Variants in MAGI1 observed in about 807,000 individuals in gnomAD.
MAGI1 encodes membrane-associated guanylate kinase, WW and PDZ domain-containing protein 1.
Under a neutral mutation model 139.9 loss-of-function variants are expected in MAGI1, and 58 were observed. That is an observed-to-expected ratio of 0.41 (90% CI 0.34 to 0.52). MAGI1 has a LOEUF of 0.52. Ranked by LOEUF, MAGI1 falls within the 20% of genes least tolerant of loss-of-function variation. MAGI1 has a pLI of 0.12. For missense variants in MAGI1, 1,874 were observed against 1,901.6 expected (o/e 0.99, Z 0.27); for synonymous variants, 812 against 737.9 (o/e 1.10, Z -1.63).
chr3:65,904,489 G>A (rs2061359398), intron 1 of MAGI1, among the ~76,000 whole-genome samples: 1 of 152,048 alleles, frequency 6.6e-6, no homozygotes, highest in Non-Finnish European at 1.5e-5. Flanking sequence ...GGGCCCTGCG[G>A]CCCGGCCTCT....
At chr3:65,881,982 C>T (rs2060348221) in intron 1 of MAGI1, among the ~76,000 whole-genome samples, 2 of 152,220 alleles carry the variant, frequency 1.3e-5, no homozygotes. Context: ...GACAACACTT[C>T]CTATTCCCCA....
chr3:65,474,563 C>A (rs1223116905), intron 4 of MAGI1, among the ~76,000 whole-genome samples: 1 of 152,008 alleles, frequency 6.6e-6, no homozygotes, highest in African/African-American at 2.4e-5. Flanking sequence ...CAGAAACGAA[C>A]ATGAATGACA....
At chr3:65,506,946 G>C (rs1371812021) in intron 2 of MAGI1, among the ~76,000 whole-genome samples, 1 of 152,184 alleles carries the variant, frequency 6.6e-6, no homozygotes, top group Non-Finnish European at 1.5e-5. Flanking sequence ...AGGCATGATA[G>C]TTCTGAAGCC....
intron 2 of MAGI1, among the ~76,000 whole-genome samples, chr3:65,493,882 T>G (rs753012566): frequency 7.2e-5 from 11 of 152,126 alleles, no homozygotes; most frequent in Non-Finnish European, 1.6e-4. Context: ...CTGGGTAACC[T>G]AGAGAGAGTT....
chr3:65,900,804 T>A (rs922654701), intron 1 of MAGI1, among the ~76,000 whole-genome samples: 1 of 152,230 alleles, frequency 6.6e-6, no homozygotes, highest in Non-Finnish European at 1.5e-5. Flanking sequence ...TGACCTATTA[T>A]GAACCATTGA....
intron 1 of MAGI1, among the ~76,000 whole-genome samples, chr3:65,881,258 C>A (rs142723266): frequency 6.6e-6 from 1 of 152,244 alleles, no homozygotes; most frequent in Non-Finnish European, 1.5e-5. Flanking sequence ...ACACCCAATA[C>A]TCTTAGATAA....
chr3:65,462,736 C>A (rs1949894845), intron 5 of MAGI1, among the ~76,000 whole-genome samples: 2 of 152,302 alleles, frequency 1.3e-5, no homozygotes, highest in Non-Finnish European at 2.9e-5. Context: ...AATATTAATT[C>A]TTCCTATCCA....
intron 1 of MAGI1, among the ~76,000 whole-genome samples, chr3:65,958,383 T>C (rs1298652712): frequency 6.6e-6 from 1 of 152,204 alleles, no homozygotes; most frequent in African/African-American, 2.4e-5. Context: ...AATAAAGACC[T>C]GCTTATTGTA....
chr3:65,884,056 TC>T, intron 1 of MAGI1, among the ~76,000 whole-genome samples: 1 of 152,158 alleles, frequency 6.6e-6, no homozygotes, highest in South Asian at 2.1e-4. Flanking sequence ...AATACACTTA[TC>T]TTAAAGGGAA....
At chr3:65,773,197 T>G (rs1054398023) in intron 1 of MAGI1, among the ~76,000 whole-genome samples, 6 of 152,140 alleles carry the variant, frequency 3.9e-5, no homozygotes, top group Non-Finnish European at 8.8e-5. Flanking sequence ...GTAGGAGTAA[T>G]ATATTAAAAC....
chr3:65,475,422 C>G (rs1194240418), intron 4 of MAGI1, among the ~76,000 whole-genome samples: 1 of 152,068 alleles, frequency 6.6e-6, no homozygotes, highest in Non-Finnish European at 1.5e-5. Context: ...CCATGTTGGC[C>G]AGGCTGGTCT....
At chr3:65,933,926 G>C (rs1265610495) in intron 1 of MAGI1, among the ~76,000 whole-genome samples, 1 of 152,106 alleles carries the variant, frequency 6.6e-6, no homozygotes, top group Non-Finnish European at 1.5e-5. Context: ...AGGAGTTCGA[G>C]ACCAGCCTGA....
intron 1 of MAGI1, among the ~76,000 whole-genome samples, chr3:65,706,616 G>A (rs997705406): frequency 2.0e-5 from 3 of 152,178 alleles, no homozygotes; most frequent in Non-Finnish European, 2.9e-5. Context: ...GAATATCCTG[G>A]AGAGGAGTGA....
intron 1 of MAGI1, among the ~76,000 whole-genome samples, chr3:65,888,386 T>C (rs2060613929): frequency 6.6e-6 from 1 of 152,236 alleles, no homozygotes; most frequent in Admixed American, 6.5e-5. Flanking sequence ...AATTAGTATA[T>C]GTCTAGCATT....
intron 2 of MAGI1, among the ~76,000 whole-genome samples, chr3:65,554,732 C>A (rs531265669): frequency 1.1e-4 from 16 of 152,332 alleles, no homozygotes; most frequent in African/African-American, 3.8e-4. Flanking sequence ...GCACAAAGAA[C>A]CCTCAGTCAT....
chr3:65,598,561 A>G (rs1055828125), intron 2 of MAGI1, among the ~76,000 whole-genome samples: 10 of 152,162 alleles, frequency 6.6e-5, no homozygotes, highest in African/African-American at 2.4e-4. Flanking sequence ...CTTCCTTTGG[A>G]GTTAAAATAA....
intron 2 of MAGI1, among the ~76,000 whole-genome samples, chr3:65,552,751 C>T (rs1443002836): frequency 1.3e-5 from 2 of 152,144 alleles, no homozygotes; most frequent in Non-Finnish European, 2.9e-5. Flanking sequence ...TTTGCATCTG[C>T]CTACAGAGGG....
chr3:65,515,508 T>C (rs538055811), intron 2 of MAGI1, among the ~76,000 whole-genome samples: 1 of 152,046 alleles, frequency 6.6e-6, no homozygotes, highest in Admixed American at 6.5e-5. Flanking sequence ...CCATGGAAAA[T>C]ATAAAATTCA....
chr3:65,455,779 G>A (rs1478075930), intron 5 of MAGI1, among the ~76,000 whole-genome samples: 1 of 152,118 alleles, frequency 6.6e-6, no homozygotes, highest in Non-Finnish European at 1.5e-5. Context: ...AGAATGTTAT[G>A]TAAATGGAAT....
Sources: allele counts gnomAD v4.1 joint callset (sites outside exome capture counted in the v4.1 genomes callset), GRCh38; gene constraint gnomAD v4.1.1; transcripts MANE v1.5; gene names NCBI Gene and HGNC (gene_info 2026-07-23, HGNC 2026-07-21).